PDZRN4: variants seen among roughly 807,000 people sequenced by gnomAD.
The protein encoded by PDZRN4 is PDZ domain containing ring finger 4.
In PDZRN4, 70 loss-of-function variants were observed where a neutral mutation model predicts 99.0. The observed-to-expected ratio is 0.71, with a 90% confidence interval of 0.58 to 0.86. The LOEUF is 0.86. Among genes scored for constraint, PDZRN4 ranks in the 40% least tolerant of loss-of-function variants. The pLI, the probability that PDZRN4 is intolerant of heterozygous loss-of-function variation, is 0.00. For synonymous variants in PDZRN4, 551 were observed against 501.6 expected, an observed-to-expected ratio of 1.10 and a Z score of -1.32; for missense variants, 1,474 against 1,331.2, an observed-to-expected ratio of 1.11 and a Z score of -1.67.
At chr12:41,549,441 C>T (rs285592) in intron 5 of PDZRN4, among the ~76,000 whole-genome samples, 86,494 of 151,986 alleles carry the variant, frequency 0.57, 26,294 homozygotes, top group African/African-American at 0.8. Context: ...TATTTTGACA[C>T]AGAATTAAGG....
At chr12:41,342,541 G>T (rs78733760) in intron 3 of PDZRN4, among the ~76,000 whole-genome samples, 10,989 of 148,554 alleles carry the variant, frequency 0.074, 526 homozygotes, top group Middle Eastern at 0.14. Context: ...ATGAGCAAAT[G>T]ATCTCAATAG....
chr12:41,209,248 T>TA (rs887818512), intron 3 of PDZRN4, among the ~76,000 whole-genome samples: 75 of 152,032 alleles, frequency 4.9e-4, no homozygotes, highest in African/African-American at 1.7e-3. Flanking sequence ...AGAAGTCATT[T>TA]AGGCACAGAT....
At chr12:41,381,381 G>T (rs868704700) in intron 3 of PDZRN4, among the ~76,000 whole-genome samples, 6 of 151,156 alleles carry the variant, frequency 4.0e-5, no homozygotes, top group South Asian at 4.2e-4. Context: ...TTGCTTGATG[G>T]TATGCCTTAA....
At chr12:41,521,098 G>A (rs574817080) in intron 5 of PDZRN4, among the ~76,000 whole-genome samples, 11 of 152,236 alleles carry the variant, frequency 7.2e-5, no homozygotes, top group East Asian at 3.9e-4. Flanking sequence ...TTCACCAGCC[G>A]AAGTTAAAAT....
At chr12:41,490,050 G>A (rs1937853610) in intron 3 of PDZRN4, among the ~76,000 whole-genome samples, 1 of 151,280 alleles carries the variant, frequency 6.6e-6, no homozygotes, top group Admixed American at 6.6e-5. Flanking sequence ...CACTTGTTGT[G>A]TGACCTTAGT....
intron 3 of PDZRN4, among the ~76,000 whole-genome samples, chr12:41,495,409 C>A (rs1937978773): frequency 2.0e-5 from 3 of 152,042 alleles, no homozygotes; most frequent in Non-Finnish European, 4.4e-5. Flanking sequence ...GGAATAGATA[C>A]CGAGGCTGGC....
At chr12:41,483,060 A>T (rs2733288) in intron 3 of PDZRN4, among the ~76,000 whole-genome samples, 17,993 of 151,928 alleles carry the variant, frequency 0.12, 1,126 homozygotes, top group African/African-American at 0.15. Context: ...AGAAGCAGTC[A>T]TGAAGTGGAA....
chr12:41,478,521 C>G (rs1394436735), intron 3 of PDZRN4, among the ~76,000 whole-genome samples: 1 of 152,110 alleles, frequency 6.6e-6, no homozygotes, highest in African/African-American at 2.4e-5. Flanking sequence ...GAGACTATTC[C>G]TATTATAATA....
chr12:41,467,659 C>A (rs544698591), intron 3 of PDZRN4, among the ~76,000 whole-genome samples: 1 of 152,152 alleles, frequency 6.6e-6, no homozygotes, highest in Non-Finnish European at 1.5e-5. Context: ...TACCTTACCA[C>A]AAACCAGAAA....
chr12:41,257,192 T>C (rs1310926494), intron 3 of PDZRN4, among the ~76,000 whole-genome samples: 1 of 152,230 alleles, frequency 6.6e-6, no homozygotes, highest in Non-Finnish European at 1.5e-5. Context: ...CTTCCTAAGA[T>C]AAGCATAACT....
intron 3 of PDZRN4, among the ~76,000 whole-genome samples, chr12:41,356,076 G>A (rs1237366916): frequency 6.6e-6 from 1 of 151,902 alleles, no homozygotes; most frequent in East Asian, 1.9e-4. Context: ...AGTTGCTCTG[G>A]CCATTATCTC....
intron 3 of PDZRN4, among the ~76,000 whole-genome samples, chr12:41,369,652 T>C (rs1383009658): frequency 3.9e-5 from 6 of 152,018 alleles, no homozygotes; most frequent in Admixed American, 3.9e-4. Context: ...AGAATCTCTG[T>C]CTTTACGCAT....
chr12:41,270,695 T>G (rs1951309585), intron 3 of PDZRN4, among the ~76,000 whole-genome samples: 1 of 152,118 alleles, frequency 6.6e-6, no homozygotes, highest in African/African-American at 2.4e-5. Context: ...CTTGATATTT[T>G]TATATCCTAA....
intron 3 of PDZRN4, among the ~76,000 whole-genome samples, chr12:41,372,597 G>T (rs879162717): frequency 3.9e-4 from 60 of 152,270 alleles, no homozygotes; most frequent in Middle Eastern, 3.4e-3. Context: ...TATAAACTTA[G>T]TTCACGTACA....
At chr12:41,553,286 C>T (rs760580206) in intron 6 of PDZRN4, among the ~76,000 whole-genome samples, 14 of 152,226 alleles carry the variant, frequency 9.2e-5, no homozygotes, top group Non-Finnish European at 1.6e-4. Context: ...AGAAGCAATG[C>T]ACAAGTGAGA....
intron 3 of PDZRN4, among the ~76,000 whole-genome samples, chr12:41,438,227 T>G (rs1326441637): frequency 1.3e-5 from 2 of 152,206 alleles, no homozygotes; most frequent in African/African-American, 4.8e-5. Context: ...GGGATTCTTT[T>G]TAACATTTTG....
intron 3 of PDZRN4, among the ~76,000 whole-genome samples, chr12:41,205,874 T>C (rs1375633995): frequency 2.6e-5 from 4 of 151,976 alleles, no homozygotes; most frequent in African/African-American, 9.7e-5. Flanking sequence ...CCTTCCCTTC[T>C]TCCCCTGTTC....
In PDZRN4 at chr12:41,317,048, G is replaced by GTATATATATATATATATA. The variant is rs33919115; in HGVS notation, c.843+122869_843+122886dup. Among the ~76,000 whole-genome samples the GTATATATATATATATATA allele has an allele frequency of 2.0e-3, 142 of 69,568 alleles. 3 individuals carry two copies. Among genetic ancestry groups the GTATATATATATATATATA allele is most frequent in the Non-Finnish European group, 3.3e-3 (93 of 28,570 alleles). 45.6% of individuals were successfully genotyped at this position (69,568 alleles called of 152,430 possible). Reference sequence around the variant, plus strand: ...TCCAGAGAATCATAACTTACATAAAGTATATATATATATATATATATATAT... The same window carrying GTATATATATATATATATA: ...TCCAGAGAATCATAACTTACATAAAGTATATATATATATATATATATATATATATATATATATATATAT... On this transcript the variant is annotated intron_variant, in intron 3 of 9. Coordinates refer to ENST00000402685, the MANE Select transcript of PDZRN4 (RefSeq NM_001164595.2).
At chr12:41,442,806 A>T (rs2120473399) in intron 3 of PDZRN4, among the ~76,000 whole-genome samples, 1 of 152,170 alleles carries the variant, frequency 6.6e-6, no homozygotes, top group South Asian at 2.1e-4. Flanking sequence ...ATCTATGAGG[A>T]TCTGACCTAC....
Sources: allele counts gnomAD v4.1 joint callset (sites outside exome capture counted in the v4.1 genomes callset), GRCh38; gene constraint gnomAD v4.1.1; transcripts MANE v1.5; gene names NCBI Gene and HGNC (gene_info 2026-07-23, HGNC 2026-07-21).